Variants in ESPNL observed in about 807,000 individuals in gnomAD.
ESPNL encodes espin-like protein.
In ESPNL, 49 loss-of-function variants were observed where a neutral mutation model predicts 46.8. The observed-to-expected ratio is 1.05, with a 90% CI of 0.83 to 1.33. The LOEUF is 1.33. Among genes scored for constraint, ESPNL ranks in the 40% most tolerant of loss-of-function variants. The probability of loss-of-function intolerance (pLI) is 0.00; values close to 1 mark genes in which losing one functional copy is unlikely to be tolerated. For missense variants in ESPNL, 1,540 were observed against 1,436.6 expected (o/e 1.07, Z -1.16); for synonymous variants, 664 against 662.1 (o/e 1.00, Z -0.04).
At chr2:238,129,198 G>A (rs1692220340) in intron 8 of ESPNL, 2 of 1,329,640 alleles carry the variant, frequency 1.5e-6, no homozygotes, top group Non-Finnish European at 1.9e-6. Context: ...CCTGGGCGCA[G>A]CGTCTAGCAG....
intron 5 of ESPNL, among the ~76,000 whole-genome samples, chr2:238,123,009 C>T (rs1692021475): frequency 1.3e-5 from 2 of 152,236 alleles, no homozygotes; most frequent in African/African-American, 4.8e-5. Flanking sequence ...CTTCCTTCAG[C>T]ACGGCAGGGA....
In ESPNL at chr2:238,104,652, G is replaced by A; in HGVS notation, c.486-4G>A. The A allele has an allele frequency of 1.3e-6, 2 of 1,575,838 alleles. No individual in the cohort carries two copies. The highest frequency in any genetic ancestry group is 1.7e-6 in the Non-Finnish European group (2 of 1,159,092). On this transcript the variant is annotated splice_polypyrimidine_tract_variant and splice_region_variant and intron_variant, in intron 2 of 8. Coordinates refer to ENST00000343063, the MANE Select transcript of ESPNL (RefSeq NM_194312.4). Reference sequence around the variant, plus strand: ...TGGGCCTCCAAACCCTCCCTTCCCTGCAGCAGCGTGAACCGGCGGACACGC... The same window carrying A: ...TGGGCCTCCAAACCCTCCCTTCCCTACAGCAGCGTGAACCGGCGGACACGC...
At chr2:238,126,374 T>C (rs867569954) in intron 6 of ESPNL, among the ~76,000 whole-genome samples, 17 of 120,698 alleles carry the variant, frequency 1.4e-4, no homozygotes, top group East Asian at 8.2e-4. Context: ...GTGTGTGTCT[T>C]TGTGATTGTG....
At chr2:238,112,491 A>G (rs1019354684) in intron 4 of ESPNL, among the ~76,000 whole-genome samples, 1 of 143,570 alleles carries the variant, frequency 7.0e-6, no homozygotes, top group African/African-American at 2.6e-5. Context: ...AAAAAGCATT[A>G]ATTGTCTCCA....
rs764119535 is a variant in ESPNL at position 238,128,692 on chromosome 2, C to T, written c.1216-15C>T. The stretch of plus-strand genomic sequence containing the variant: ...GTCCCCTTCGGGCCTGTGTGACCCA[C>T]CCCCTTCTGCACAGGGGACAGAGAC... On this transcript the variant is annotated splice_polypyrimidine_tract_variant and intron_variant, in intron 7 of 8. Coordinates refer to ENST00000343063, the MANE Select transcript of ESPNL (RefSeq NM_194312.4). 20 of 1,586,506 alleles carry T rather than the reference C, an allele frequency of 1.3e-5. No homozygotes were observed. In the South Asian group the frequency reaches 1.3e-4, roughly 10 times the overall value.
At chr2:238,129,229 C>A in intron 8 of ESPNL, 1 of 1,246,664 alleles carries the variant, frequency 8.0e-7, no homozygotes, top group South Asian at 2.4e-5. Context: ...GGCCCATGGG[C>A]AGGTGCCGGC....
rs957499272 is a variant in ESPNL, at chr2:238,122,049, G to A, written c.988-3221G>A. 6.8e-4 allele frequency among the ~76,000 whole-genome samples: 104 copies of A among 152,368 alleles called. 1 individual carries two copies. Among genetic ancestry groups the A allele is most frequent in the African/African-American group, 2.1e-3 (86 of 41,588 alleles). ...CATGTATAATGCATGCAGCCTCCGCGGTGCTCAAATCTCACCAAAAACCAG... is the reference window on the plus strand; with the variant it reads ...CATGTATAATGCATGCAGCCTCCGCAGTGCTCAAATCTCACCAAAAACCAG... On this transcript the variant is annotated intron_variant, in intron 5 of 8. Transcript: ENST00000343063.
Position 238,130,529 on chromosome 2 carries a change from G to A in ESPNL, c.1815G>A (p.Leu605=), listed in dbSNP as rs770993840. The change falls in exon 9 of 9, where the codon CTG becomes CTA. Residue 605 remains leucine, a synonymous_variant. Transcript: ENST00000343063. ...CCCGCCTGGTACGCAGCCTGTCCCTGCTGCTGAAGGGCGTGCATGGGCTAG... is the reference window on the plus strand; with the variant it reads ...CCCGCCTGGTACGCAGCCTGTCCCTACTGCTGAAGGGCGTGCATGGGCTAG... ...HISRLVRSLS[L]LLKGVHGLVQ... The A allele has an allele frequency of 2.5e-6, 4 of 1,594,008 alleles. No homozygotes were observed. Among genetic ancestry groups the A allele is most frequent in the Non-Finnish European group, 3.4e-6 (4 of 1,170,652 alleles).
rs902791229 is a variant in ESPNL, at chr2:238,116,161, G to A, written c.856-742G>A. ...GACACAGAAATGTTTACAGAATAAA[G>A]TACAGAATTCATTCTTGAGGTCCCC... On this transcript the variant is annotated intron_variant, in intron 4 of 8. Coordinates refer to ENST00000343063, the MANE Select transcript of ESPNL (RefSeq NM_194312.4). 6.6e-5 allele frequency among the ~76,000 whole-genome samples: 10 copies of A among 152,360 alleles called. No individual in the cohort carries two copies. In the South Asian group the frequency reaches 2.1e-3, roughly 32 times the overall value.
chr2:238,132,834 G>T lies in ESPNL; in HGVS notation c.*1102G>T, dbSNP rs1024068936. ...AGCCCACAGGGACTTTGGAGGTGGG[G>T]CTCTGCAGCTGTGAGATGGCCCAGC... On this transcript the variant is annotated 3_prime_UTR_variant, in exon 9 of 9. Transcript: ENST00000343063. 6.6e-6 allele frequency: 1 copy of T among 152,382 alleles called. No homozygotes were observed. Among genetic ancestry groups the T allele is most frequent in the Admixed American group, 6.5e-5 (1 of 15,292 alleles). The allele number at this position is 152,382 out of a possible 1,614,324, so 9.4% of individuals were successfully genotyped here. A position where few individuals can be genotyped will look rare whatever the true frequency, so the allele number is the denominator to read the frequency against.
rs1574745949 is a variant in ESPNL, at chr2:238,128,609, C to A, written c.1216-98C>A. The A allele has an allele frequency of 7.4e-6, 9 of 1,214,394 alleles. No homozygotes were observed. The East Asian group carries it at 1.5e-4, about 21-fold the overall frequency. 75.2% of individuals were successfully genotyped at this position (1,214,394 alleles called of 1,614,324 possible). Reference sequence around the variant, plus strand: ...CCTCTCAGGGCGCCCTGTTAGCGTGCCCTGGGCGGAGCCAACCCCCCACGT... The same window carrying A: ...CCTCTCAGGGCGCCCTGTTAGCGTGACCTGGGCGGAGCCAACCCCCCACGT... On this transcript the variant is annotated intron_variant, in intron 7 of 8. Coordinates refer to ENST00000343063, the MANE Select transcript of ESPNL (RefSeq NM_194312.4).
chr2:238,104,508 G>C (rs1019637048), intron 2 of ESPNL, 148 bp from the exon 3 acceptor site: 22 of 920,954 alleles, frequency 2.4e-5, no homozygotes, highest in Middle Eastern at 3.5e-4. Context: ...CAACCTGGAG[G>C]GGGGAACCCC....
At position 238,104,710 on chromosome 2, in the gene ESPNL, G is replaced by A; in HGVS notation, c.540G>A (p.Gln180=). 2 of 1,607,920 alleles carry A rather than the reference G, an allele frequency of 1.2e-6. No homozygotes were observed. The highest frequency in any genetic ancestry group is 1.1e-5 in the South Asian group (1 of 90,542). The stretch of plus-strand genomic sequence containing the variant: ...CCTCCCCACTCTACCTGGCCTGCCA[G>A]GAGGGCCACCTGCACCTGGCCCAGT... The part of the protein sequence containing the change: ...SGASPLYLAC[Q]EGHLHLAQFL... Residue 180 remains glutamine, a synonymous_variant, in exon 3 of 9, where the codon CAG becomes CAA. Coordinates refer to ENST00000343063, the MANE Select transcript of ESPNL (RefSeq NM_194312.4).
At chr2:238,115,533 C>A (rs537099019) in intron 4 of ESPNL, among the ~76,000 whole-genome samples, 1 of 152,230 alleles carries the variant, frequency 6.6e-6, no homozygotes, top group Non-Finnish European at 1.5e-5. Flanking sequence ...GACAGCGTCA[C>A]GTTGTATTTA....
At chr2:238,126,657 T>C (rs1692127697) in intron 6 of ESPNL, among the ~76,000 whole-genome samples, 1 of 130,668 alleles carries the variant, frequency 7.7e-6, no homozygotes, top group East Asian at 3.1e-4. Context: ...TGATTGTGTC[T>C]GTGATTGTGT....
rs115004005 is a variant in ESPNL, at chr2:238,107,833, G to C, written c.715G>C (p.Gly239Arg). The change falls in exon 4 of 9, where the codon GGG becomes CGG. Residue 239 changes from glycine to arginine, a missense_variant. By Grantham distance (125) the Gly-to-Arg change is moderately radical (BLOSUM62 -2). Coordinates refer to ENST00000343063, the MANE Select transcript of ESPNL (RefSeq NM_194312.4). Reference protein sequence around the residue: ...DIGLTARDNEGATALHFAARG... With the variant: ...DIGLTARDNERATALHFAARG... ...CGGACTCACGGCACGGGACAATGAG[G>C]GGGCCACGGCCCTGCACTTTGCAGC... 9.4e-4 allele frequency: 1,516 copies of C among 1,606,186 alleles called. 16 individuals carry two copies. In the African/African-American group the frequency reaches 0.018, roughly 19 times the overall value.
Position 238,130,616 on chromosome 2 carries a change from C to A in ESPNL, c.1902C>A (p.Ala634=). 6.4e-7 allele frequency: 1 copy of A among 1,563,782 alleles called. No homozygotes were observed. Among genetic ancestry groups the A allele is most frequent in the Non-Finnish European group, 8.7e-7 (1 of 1,154,308 alleles). ...AGGACACCTGCAGGGAGGCCTCGGC[C>A]AGCCCCCCTCGGAGCGAGGCCCAGC... ...PLQDTCREAS[A]SPPRSEAQRQ... is the part of the protein sequence containing the mutation. The change falls in exon 9 of 9, where the codon GCC becomes GCA. Residue 634 remains alanine, a synonymous_variant. Coordinates refer to ENST00000343063, the MANE Select transcript of ESPNL (RefSeq NM_194312.4).
intron 5 of ESPNL, among the ~76,000 whole-genome samples, chr2:238,122,936 A>G (rs1175905234): frequency 1.3e-5 from 2 of 152,214 alleles, no homozygotes; most frequent in Non-Finnish European, 2.9e-5. Flanking sequence ...CAGCGACGCC[A>G]GCCTCTCGCT....
At chr2:238,120,148 T>C (rs2106473575) in intron 5 of ESPNL, among the ~76,000 whole-genome samples, 1 of 152,330 alleles carries the variant, frequency 6.6e-6, no homozygotes, top group African/African-American at 2.4e-5. Context: ...TCTTTCTGGC[T>C]TGGCTGAGAA....
Sources: allele counts gnomAD v4.1 joint callset (sites outside exome capture counted in the v4.1 genomes callset), GRCh38; gene constraint gnomAD v4.1.1; transcripts MANE v1.5; gene names NCBI Gene and HGNC (gene_info 2026-07-23, HGNC 2026-07-21).